The following CCNY variants were observed in gnomAD, a reference collection of about 807,000 sequenced individuals.
The protein encoded by CCNY is cyclin-Y.
In CCNY, 19 loss-of-function variants were observed where a neutral mutation model predicts 42.8. The ratio of observed to expected loss-of-function variants is 0.44; its 90% CI spans 0.31 to 0.65. The LOEUF is 0.65. CCNY is among the 30% of genes least tolerant of loss of function. CCNY has a pLI of 0.07. For missense variants in CCNY, 370 were observed against 437.3 expected (o/e 0.85, Z 1.37); for synonymous variants, 165 against 162.7 (o/e 1.01, Z -0.11).
chr10:35,465,938 A>AGAGAGAGTGTGTGTGT, intron 1 of CCNY, among the ~76,000 whole-genome samples: 1 of 81,034 alleles, frequency 1.2e-5, no homozygotes, highest in African/African-American at 4.4e-5. Flanking sequence ...AGAGAGAGAG[A>AGAGAGAGTGTGTGTGT]GTGTGTGTGT....
chr10:35,446,075 T>C (rs923793760), intron 1 of CCNY, among the ~76,000 whole-genome samples: 4 of 152,220 alleles, frequency 2.6e-5, no homozygotes, highest in African/African-American at 9.6e-5. Context: ...TGTGGTTATT[T>C]GTCTCACGGG....
rs373648492 is a variant in CCNY, at chr10:35,469,386, T to TATCTC, written c.155-14018_155-14017insATCTC. On this transcript the variant is annotated intron_variant, in intron 1 of 9. Transcript: ENST00000374704. ...TTAGCATCTTTATCTCCTTGATTAA[T>TATCTC]CTTAAGATAGAATATTAGATACATT... Among the ~76,000 whole-genome samples, 925 of 152,354 alleles carry TATCTC rather than the reference T, an allele frequency of 6.1e-3. 15 individuals are homozygous for TATCTC. Among genetic ancestry groups the TATCTC allele is most frequent in the African/African-American group, 0.021 (883 of 41,578 alleles).
At chr10:35,434,168 T>C (rs1838474442) in intron 1 of CCNY, 1 of 152,178 alleles carries the variant, frequency 6.6e-6, no homozygotes, top group African/African-American at 2.4e-5. Flanking sequence ...ATATTGCTAA[T>C]GTGATGCAGA....
chr10:35,498,645 G>A (rs1410353177), intron 2 of CCNY, among the ~76,000 whole-genome samples: 1 of 152,158 alleles, frequency 6.6e-6, no homozygotes, highest in Non-Finnish European at 1.5e-5. Flanking sequence ...ATGGTCTAAC[G>A]TGGATATCAG....
intron 3 of CCNY, among the ~76,000 whole-genome samples, chr10:35,272,718 C>T (rs992203877): frequency 6.6e-6 from 1 of 152,096 alleles, no homozygotes; most frequent in East Asian, 1.9e-4. Context: ...GTGAATAGTG[C>T]TGCAATGAAC....
chr10:35,319,101 C>CAGAG (rs141122348), intron 3 of CCNY, among the ~76,000 whole-genome samples: 1,858 of 152,180 alleles, frequency 0.012, 41 homozygotes, highest in East Asian at 0.12. Flanking sequence ...TAGCTGAGAC[C>CAGAG]AGAGGTGTGC....
intron 1 of CCNY, among the ~76,000 whole-genome samples, chr10:35,392,484 G>A (rs898880032): frequency 2.0e-5 from 3 of 152,236 alleles, no homozygotes; most frequent in African/African-American, 7.2e-5. Context: ...TTGAGGATGA[G>A]GAGGTCCAGT....
intron 1 of CCNY, among the ~76,000 whole-genome samples, chr10:35,352,018 G>C (rs537993729): frequency 6.6e-6 from 1 of 152,188 alleles, no homozygotes; most frequent in East Asian, 1.9e-4. Context: ...GATCTACCTA[G>C]TTTTCAAGTA....
At chr10:35,331,274 A>G (rs1201489975) in intron 3 of CCNY, among the ~76,000 whole-genome samples, 4 of 152,172 alleles carry the variant, frequency 2.6e-5, no homozygotes, top group Non-Finnish European at 5.9e-5. Context: ...TAGATGCTAC[A>G]CTTTGCCTGC....
intron 3 of CCNY, among the ~76,000 whole-genome samples, chr10:35,324,071 T>C (rs1835852785): frequency 6.6e-6 from 1 of 150,454 alleles, no homozygotes; most frequent in Non-Finnish European, 1.5e-5. Context: ...AAATACTAAA[T>C]ATATTTGGTG....
At chr10:35,486,302 A>G (rs1839786219) in intron 2 of CCNY, among the ~76,000 whole-genome samples, 1 of 152,182 alleles carries the variant, frequency 6.6e-6, no homozygotes, top group Non-Finnish European at 1.5e-5. Context: ...TACACCATGG[A>G]AATTGGTAAA....
intron 3 of CCNY, among the ~76,000 whole-genome samples, chr10:35,284,646 C>T (rs1835334076): frequency 1.3e-5 from 2 of 151,932 alleles, no homozygotes; most frequent in Admixed American, 1.3e-4. Context: ...TTCCTTCCTT[C>T]CGCTTGGTTA....
chr10:35,427,305 G>A (rs1389799664), intron 1 of CCNY, among the ~76,000 whole-genome samples: 2 of 152,198 alleles, frequency 1.3e-5, no homozygotes, highest in Non-Finnish European at 2.9e-5. Context: ...GCTGGGCATA[G>A]CGCCCATGGA....
At chr10:35,475,555 G>A (rs1465014949) in intron 1 of CCNY, among the ~76,000 whole-genome samples, 3 of 150,950 alleles carry the variant, frequency 2.0e-5, no homozygotes, top group Admixed American at 2.0e-4. Context: ...ATAAGTGAAG[G>A]AGAAATAAAA....
chr10:35,543,068 A>G (rs984004774), intron 7 of CCNY, among the ~76,000 whole-genome samples: 3 of 152,226 alleles, frequency 2.0e-5, no homozygotes, highest in African/African-American at 4.8e-5. Flanking sequence ...TTTAACATCT[A>G]TTTCATTTTT....
intron 3 of CCNY, among the ~76,000 whole-genome samples, chr10:35,321,265 A>G (rs776567169): frequency 7.2e-5 from 11 of 152,200 alleles, no homozygotes; most frequent in Non-Finnish European, 1.3e-4. Flanking sequence ...TGTTATGCTG[A>G]AAATTAAAGA....
intron 3 of CCNY, among the ~76,000 whole-genome samples, chr10:35,312,813 G>A (rs1031965179): frequency 7.9e-4 from 113 of 143,780 alleles, no homozygotes; most frequent in Middle Eastern, 3.5e-3. Flanking sequence ...GTTCAGTGGT[G>A]TGATCATGGC....
chr10:35,312,631 C>T (rs1835700866), intron 3 of CCNY, among the ~76,000 whole-genome samples: 1 of 151,986 alleles, frequency 6.6e-6, no homozygotes, highest in Admixed American at 6.6e-5. Flanking sequence ...TAAACCATCT[C>T]ATCCTGGGGT....
At chr10:35,559,898 C>T (rs1360877225) in intron 8 of CCNY, among the ~76,000 whole-genome samples, 1 of 152,238 alleles carries the variant, frequency 6.6e-6, no homozygotes, top group Non-Finnish European at 1.5e-5. Flanking sequence ...GGTGATGGCG[C>T]ATCAGCAGAG....
Sources: allele counts gnomAD v4.1 joint callset (sites outside exome capture counted in the v4.1 genomes callset), GRCh38; gene constraint gnomAD v4.1.1; transcripts MANE v1.5; gene names NCBI Gene and HGNC (gene_info 2026-07-23, HGNC 2026-07-21).